Variants in FREM1 observed in about 807,000 individuals in gnomAD.
The protein encoded by FREM1 is FRAS1 related extracellular matrix 1.
Under a neutral mutation model 210.1 loss-of-function variants are expected in FREM1, and 220 were observed. The ratio of observed to expected loss-of-function variants is 1.05; its 90% CI spans 0.94 to 1.17. The LOEUF (loss-of-function observed/expected upper bound fraction) is 1.17, where lower values mean the gene tolerates loss of function less well. Ranked by LOEUF, FREM1 falls within the 50% of genes most tolerant of loss-of-function variation. The probability of loss-of-function intolerance (pLI) is 0.00; values close to 1 mark genes in which losing one functional copy is unlikely to be tolerated. For missense variants in FREM1, 3,454 were observed against 2,675.5 expected, an observed-to-expected ratio of 1.29 and a Z score of -6.42; for synonymous variants, 1,189 against 980.2, an observed-to-expected ratio of 1.21 and a Z score of -3.98.
At chr9:14,746,782 T>C in intron 34 of FREM1, 141 bp downstream of exon 34, 1 of 1,029,954 alleles carries the variant, frequency 9.7e-7, no homozygotes, top group Admixed American at 3.0e-5. Flanking sequence ...TGGGCCATTT[T>C]TTCCTCTTGG....
intron 3 of FREM1, among the ~76,000 whole-genome samples, chr9:14,863,588 T>C (rs979601730): frequency 2.6e-5 from 4 of 152,084 alleles, no homozygotes; most frequent in African/African-American, 9.7e-5. Flanking sequence ...GGCTAAAAAT[T>C]TGCCACAGAA....
chr9:14,760,780 C>A (rs1012291500), intron 27 of FREM1, among the ~76,000 whole-genome samples: 1 of 152,156 alleles, frequency 6.6e-6, no homozygotes, highest in Non-Finnish European at 1.5e-5. Context: ...AAGTTCTTTG[C>A]GACTCTTTTG....
At chr9:14,857,438 T>G (rs764101070) in intron 5 of FREM1, 115 bp downstream of exon 5, 26 of 905,210 alleles carry the variant, frequency 2.9e-5, no homozygotes, top group Non-Finnish European at 3.9e-5. Flanking sequence ...CTGGCAGTTT[T>G]ACCCCCAAAA....
chr9:14,830,145 A>C (rs1823275749), intron 10 of FREM1, among the ~76,000 whole-genome samples: 1 of 152,240 alleles, frequency 6.6e-6, no homozygotes, highest in African/African-American at 2.4e-5. Context: ...AAGATGCAAA[A>C]GAAAGAGCTA....
chr9:14,748,113 A>G (rs184737562), intron 31 of FREM1, among the ~76,000 whole-genome samples: 11 of 152,168 alleles, frequency 7.2e-5, no homozygotes, highest in African/African-American at 2.7e-4. Context: ...ATCTCACTCT[A>G]TTTCAGGGTC....
intron 24 of FREM1, 84 bp downstream of exon 24, chr9:14,784,286 A>T: frequency 8.2e-7 from 1 of 1,220,434 alleles, no homozygotes; most frequent in Non-Finnish European, 1.2e-6. Flanking sequence ...TGAAATGGTT[A>T]CTATAGTGAA....
At chr9:14,786,777 G>A (rs1253016558) in intron 23 of FREM1, among the ~76,000 whole-genome samples, 1 of 152,146 alleles carries the variant, frequency 6.6e-6, no homozygotes, top group Non-Finnish European at 1.5e-5. Context: ...TCAGTCCTAC[G>A]TAGAATCAAA....
chr9:14,801,746 C>A lies in FREM1; in HGVS notation c.3600G>T (p.Gly1200=), dbSNP rs561432462. 45 of 1,613,786 alleles carry A rather than the reference C, an allele frequency of 2.8e-5. No homozygotes were observed. In the East Asian group the frequency reaches 8.7e-4, roughly 31 times the overall value. The change falls in exon 20 of 37, where the codon GGG becomes GGT. Residue 1200 remains glycine (G), a synonymous_variant. Transcript: ENST00000380880. The part of the protein sequence containing the change: ...KPRHGLLIDR[G]FSKDFSENKQ... Reference sequence around the variant, plus strand: ...TATTCTCAGAGAAGTCTTTGCTAAACCCCCTATCGATGAGGAGGCCATGGC... The same window carrying A: ...TATTCTCAGAGAAGTCTTTGCTAAAACCCCTATCGATGAGGAGGCCATGGC...
intron 2 of FREM1, among the ~76,000 whole-genome samples, chr9:14,867,793 A>C (rs574707201): frequency 6.6e-6 from 1 of 152,334 alleles, no homozygotes; most frequent in African/African-American, 2.4e-5. Context: ...AATATTCTCA[A>C]GATTGTTTGC....
chr9:14,791,918 T>TCC (rs1308011927), intron 22 of FREM1, among the ~76,000 whole-genome samples: 12 of 150,776 alleles, frequency 8.0e-5, no homozygotes, highest in Non-Finnish European at 1.6e-4. Context: ...CTGCAACCTC[T>TCC]CCCCCCTCTC....
At chr9:14,759,518 C>CAATAATAATAATAATAAT (rs6150928) in intron 28 of FREM1, among the ~76,000 whole-genome samples, 2,003 of 143,004 alleles carry the variant, frequency 0.014, 35 homozygotes, top group Middle Eastern at 0.051. Flanking sequence ...CTCAAAATAA[C>CAATAATAATAATAATAAT]AATAATAATA....
At position 14,759,865 on chromosome 9, in the gene FREM1, C is replaced by A. The variant is rs1371897051; in HGVS notation, c.5241G>T (p.Gln1747His). The change falls in exon 28 of 37, where the codon CAG (glutamine) becomes CAT (histidine). Residue 1747 changes from glutamine to histidine, a missense_variant. Coordinates refer to ENST00000380880, the MANE Select transcript of FREM1 (RefSeq NM_001379081.2). ...CATTCTCACAGACTTCATATTCGGT[C>A]TGTGACCATTCAATATGAGACCACT... ...ELKWSHIEWSQTEYEVCENVG... is the reference protein window; with the variant it reads ...ELKWSHIEWSHTEYEVCENVG... 1.2e-6 allele frequency: 2 copies of A among 1,612,262 alleles called. No homozygotes were observed. Among genetic ancestry groups the A allele is most frequent in the African/African-American group, 1.3e-5 (1 of 75,022 alleles).
At position 14,869,253 on chromosome 9, in the gene FREM1, G is replaced by T; in HGVS notation, c.-267-9C>A. The T allele has an allele frequency of 2.7e-6, 1 of 371,916 alleles. No individual in the cohort carries two copies. The highest frequency in any genetic ancestry group is 4.9e-6 in the Non-Finnish European group (1 of 205,754). The allele number at this position is 371,916 out of a possible 1,614,324, so 23.0% of individuals were successfully genotyped here. ...CAAGTGCTTTTCTAATCCTGCAAAT[G>T]GGAGAAGGGGTTGGAGTAAAGCGAG... On this transcript the variant is annotated splice_polypyrimidine_tract_variant and intron_variant, in intron 1 of 36. Transcript: ENST00000380880.
intron 6 of FREM1, among the ~76,000 whole-genome samples, chr9:14,849,869 G>A (rs140815871): frequency 1.3e-5 from 2 of 152,316 alleles, no homozygotes; most frequent in East Asian, 3.9e-4. Flanking sequence ...CAGAAAAGCA[G>A]TGCTCTAAGA....
chr9:14,742,468 T>C (rs572979577), intron 35 of FREM1, among the ~76,000 whole-genome samples: 1 of 152,208 alleles, frequency 6.6e-6, no homozygotes, highest in South Asian at 2.1e-4. Context: ...TCTGGCTCCT[T>C]TGACTTAGAA....
intron 21 of FREM1, among the ~76,000 whole-genome samples, chr9:14,796,221 G>T (rs1187450320): frequency 6.6e-6 from 1 of 152,106 alleles, no homozygotes; most frequent in East Asian, 1.9e-4. Context: ...AAGAGATTTG[G>T]GGGGTTTGGG....
intron 10 of FREM1, among the ~76,000 whole-genome samples, chr9:14,837,456 C>T (rs1188143575): frequency 1.4e-5 from 2 of 140,500 alleles, no homozygotes; most frequent in Admixed American, 1.4e-4. Context: ...CACACACACA[C>T]ACATACACAT....
chr9:14,838,754 C>T (rs74816253), intron 10 of FREM1, among the ~76,000 whole-genome samples: 1,943 of 152,146 alleles, frequency 0.013, 57 homozygotes, highest in African/African-American at 0.044. Context: ...TGAATAATTC[C>T]GGGTCCCTAC....
chr9:14,869,470 G>A (rs1192718089), intron 1 of FREM1, among the ~76,000 whole-genome samples: 2 of 152,178 alleles, frequency 1.3e-5, no homozygotes, highest in Admixed American at 1.3e-4. Flanking sequence ...TACCGCTTCC[G>A]GACTTGACAT....
Sources: gnomAD v4.1 joint callset for allele counts (sites outside exome capture counted in the v4.1 genomes callset) on GRCh38, gnomAD v4.1.1 for gene constraint, MANE v1.5 for transcripts, NCBI Gene and HGNC (gene_info 2026-07-23, HGNC 2026-07-21) for gene names.